The following CYYR1 variants were observed in gnomAD, a reference collection of about 807,000 sequenced individuals.
The protein encoded by CYYR1 is cysteine and tyrosine-rich protein 1.
Under a neutral mutation model 15.2 loss-of-function variants are expected in CYYR1, and 14 were observed. The ratio of observed to expected loss-of-function variants is 0.92; its 90% CI spans 0.61 to 1.44. CYYR1 has a LOEUF of 1.44. Ranked by LOEUF, CYYR1 falls within the 40% of genes most tolerant of loss-of-function variation. CYYR1 has a pLI of 0.00. For synonymous variants in CYYR1, 80 were observed against 77.4 expected, an observed-to-expected ratio of 1.03 and a Z score of -0.18; for missense variants, 228 against 209.5, an observed-to-expected ratio of 1.09 and a Z score of -0.54.
At chr21:26,514,488 C>T (rs964965924) in intron 2 of CYYR1, among the ~76,000 whole-genome samples, 16 of 152,206 alleles carry the variant, frequency 1.1e-4, no homozygotes, top group South Asian at 4.1e-4. Context: ...TGGAGGCAGT[C>T]AGAGGCCCTC....
chr21:26,504,415 C>A (rs746285954), intron 2 of CYYR1, among the ~76,000 whole-genome samples: 1 of 151,906 alleles, frequency 6.6e-6, no homozygotes, highest in Non-Finnish European at 1.5e-5. Flanking sequence ...GGATTACAGG[C>A]GCGTACCACC....
intron 2 of CYYR1, among the ~76,000 whole-genome samples, chr21:26,512,424 A>T (rs1323754618): frequency 3.3e-5 from 5 of 151,776 alleles, no homozygotes; most frequent in Non-Finnish European, 5.9e-5. Flanking sequence ...GCTGATCTTG[A>T]ACCCCTCATC....
intron 2 of CYYR1, among the ~76,000 whole-genome samples, chr21:26,498,378 A>T (rs1187084776): frequency 2.0e-5 from 3 of 152,198 alleles, no homozygotes; most frequent in Non-Finnish European, 4.4e-5. Flanking sequence ...GATTTGAAAG[A>T]TCAGTTAGTC....
chr21:26,480,255 T>A lies in CYYR1; in HGVS notation c.334+17A>T, dbSNP rs761291811. On this transcript the variant is annotated intron_variant, in intron 3 of 3. Transcript: ENST00000652641. ...ACTAGCAAATCTGAGCCTTCGAGAG[T>A]CAACAGTTTTGCTCACCAGGATAGG... 5.6e-6 allele frequency: 9 copies of A among 1,594,416 alleles called. No individual in the cohort carries two copies. In the South Asian group the frequency reaches 1.0e-4, roughly 18 times the overall value.
rs57243355 is a variant in CYYR1, at chr21:26,469,166, T to C, written c.335-532A>G. Among the ~76,000 whole-genome samples the C allele has an allele frequency of 1.6e-3, 248 of 152,206 alleles. 4 individuals are homozygous for C. In the East Asian group the frequency reaches 0.035, roughly 22 times the overall value. The stretch of plus-strand genomic sequence containing the variant: ...ACAATGTAATGGCATATGTGAGGGA[T>C]GATAAGGGACTCATGACAGTGAGGG... On this transcript the variant is annotated intron_variant, in intron 3 of 3. Transcript: ENST00000652641.
At chr21:26,474,137 C>A (rs1158748722) in intron 3 of CYYR1, among the ~76,000 whole-genome samples, 1 of 151,378 alleles carries the variant, frequency 6.6e-6, no homozygotes, top group Non-Finnish European at 1.5e-5. Context: ...AACTCCACCT[C>A]CCAGGTGCAA....
At chr21:26,521,028 G>C (rs868207796) in intron 2 of CYYR1, among the ~76,000 whole-genome samples, 3 of 152,096 alleles carry the variant, frequency 2.0e-5, no homozygotes, top group African/African-American at 7.2e-5. Flanking sequence ...ACTGGGTCCC[G>C]TCAGGGGGTG....
chr21:26,531,423 T>A (rs770599399), intron 2 of CYYR1, among the ~76,000 whole-genome samples: 20 of 152,160 alleles, frequency 1.3e-4, no homozygotes, highest in Non-Finnish European at 2.2e-4. Flanking sequence ...TCCCCACGTG[T>A]TGAAGGAGAA....
intron 3 of CYYR1, among the ~76,000 whole-genome samples, chr21:26,475,014 C>T (rs1458955198): frequency 6.6e-6 from 1 of 152,158 alleles, no homozygotes; most frequent in Non-Finnish European, 1.5e-5. Flanking sequence ...TTAAACCCAA[C>T]ACTTTGGTTA....
intron 2 of CYYR1, among the ~76,000 whole-genome samples, chr21:26,539,316 CA>C (rs1978384735): frequency 6.6e-6 from 1 of 152,116 alleles, no homozygotes; most frequent in Admixed American, 6.6e-5. Context: ...ACGAGCCAAG[CA>C]GGGGACAAAT....
chr21:26,525,387 A>C (rs959392994), intron 2 of CYYR1, among the ~76,000 whole-genome samples: 2 of 152,148 alleles, frequency 1.3e-5, no homozygotes, highest in Non-Finnish European at 2.9e-5. Flanking sequence ...TCAGCCCCAT[A>C]ATAGCTCAAA....
chr21:26,489,517 C>T (rs906845097), intron 2 of CYYR1, among the ~76,000 whole-genome samples: 3 of 151,800 alleles, frequency 2.0e-5, no homozygotes, highest in African/African-American at 7.2e-5. Flanking sequence ...AAATCAAACA[C>T]GATTTTTCAG....
In CYYR1 at chr21:26,468,492, G is replaced by T. The variant is rs1322061949; in HGVS notation, c.*9C>A. 4 of 1,504,908 alleles carry T rather than the reference G, an allele frequency of 2.7e-6. No homozygotes were observed. The highest frequency in any genetic ancestry group is 3.7e-6 in the Non-Finnish European group (4 of 1,080,288). The allele number at this position is 1,504,908 out of a possible 1,614,324, so 93.2% of individuals were successfully genotyped here. A position where few individuals can be genotyped will look rare whatever the true frequency, so the allele number is the denominator to read the frequency against. On this transcript the variant is annotated 3_prime_UTR_variant, in exon 4 of 4. Transcript: ENST00000652641. ...GCCCATTGGCACATGTTCTGTTCTG[G>T]GAGATAGATTATTTCCTTGCGTTTC...
chr21:26,521,025 C>A (rs942853849), intron 2 of CYYR1, among the ~76,000 whole-genome samples: 3 of 152,106 alleles, frequency 2.0e-5, no homozygotes, highest in African/African-American at 7.2e-5. Context: ...CATACTGGGT[C>A]CCGTCAGGGG....
At chr21:26,477,173 G>T (rs2065116545) in intron 3 of CYYR1, among the ~76,000 whole-genome samples, 1 of 152,078 alleles carries the variant, frequency 6.6e-6, no homozygotes. Flanking sequence ...ACAATAAGTT[G>T]GGTTGTTATC....
At chr21:26,505,529 A>G (rs888507217) in intron 2 of CYYR1, among the ~76,000 whole-genome samples, 2 of 152,222 alleles carry the variant, frequency 1.3e-5, no homozygotes, top group African/African-American at 4.8e-5. Flanking sequence ...TATTTATTGT[A>G]CCTAAAGGTT....
chr21:26,568,549 T>A (rs1980801460), intron 1 of CYYR1: 1 of 152,188 alleles, frequency 6.6e-6, no homozygotes, highest in Non-Finnish European at 1.5e-5. Context: ...GACATCAGCC[T>A]TGGGAAGGAA....
At chr21:26,480,606 G>A (rs1354244093) in intron 2 of CYYR1, among the ~76,000 whole-genome samples, 177 bp from the exon 3 acceptor site, 1 of 150,800 alleles carries the variant, frequency 6.6e-6, no homozygotes, top group African/African-American at 2.4e-5. Flanking sequence ...AATTGATAAA[G>A]CAAATAGTCT....
chr21:26,467,028 G>A lies in CYYR1; in HGVS notation c.*1473C>T, dbSNP rs2064976713. The A allele has an allele frequency of 6.6e-6, 1 of 152,084 alleles. No individual in the cohort carries two copies. Among genetic ancestry groups the A allele is most frequent in the Non-Finnish European group, 1.5e-5 (1 of 67,994 alleles). The allele number at this position is 152,084 out of a possible 1,614,324, so 9.4% of individuals were successfully genotyped here. On this transcript the variant is annotated 3_prime_UTR_variant, in exon 4 of 4. Coordinates refer to ENST00000652641, the MANE Select transcript of CYYR1 (RefSeq NM_001320768.2). Reference sequence around the variant, plus strand: ...AGTAAGCTTCTTATCTGCAAGTACAGGTACTATAACTTACACCTTAAAATG... The same window carrying A: ...AGTAAGCTTCTTATCTGCAAGTACAAGTACTATAACTTACACCTTAAAATG...
Sources: gnomAD v4.1 joint callset for allele counts (sites outside exome capture counted in the v4.1 genomes callset) on GRCh38, gnomAD v4.1.1 for gene constraint, MANE v1.5 for transcripts, NCBI Gene and HGNC (gene_info 2026-07-23, HGNC 2026-07-21) for gene names.